The following TRPM3 variants were observed in gnomAD, a reference collection of about 807,000 sequenced individuals.
TRPM3 encodes the protein long transient receptor potential channel 3.
Under a neutral mutation model 181.2 loss-of-function variants are expected in TRPM3, and 77 were observed. That is an observed-to-expected ratio of 0.42 (90% CI 0.35 to 0.51). The LOEUF is 0.51. Ranked by LOEUF, TRPM3 falls within the 20% of genes least tolerant of loss-of-function variation. The pLI is 0.01. For missense variants in TRPM3, 1,759 were observed against 2,196.7 expected, an observed-to-expected ratio of 0.80 and a Z score of 3.98; for synonymous variants, 745 against 796.4, an observed-to-expected ratio of 0.94 and a Z score of 1.09.
chr9:70,811,031 T>G, intron 6 of TRPM3: 1 of 687,482 alleles, frequency 1.5e-6, no homozygotes, highest in Non-Finnish European at 2.5e-6. Context: ...CTGATGTGGT[T>G]GAATGTCAGA....
At chr9:71,376,341 C>T (rs2092665813) in intron 1 of TRPM3, among the ~76,000 whole-genome samples, 2 of 151,902 alleles carry the variant, frequency 1.3e-5, no homozygotes, top group African/African-American at 4.8e-5. Flanking sequence ...TTTGAAGAAA[C>T]AATTTTCCCT....
chr9:71,276,006 T>TC (rs1355668145), intron 1 of TRPM3, among the ~76,000 whole-genome samples: 1 of 152,096 alleles, frequency 6.6e-6, no homozygotes, highest in African/African-American at 2.4e-5. Context: ...CACACCCGGC[T>TC]AATTTTTTCT....
At chr9:71,331,695 A>G (rs2090132080) in intron 1 of TRPM3, among the ~76,000 whole-genome samples, 1 of 139,038 alleles carries the variant, frequency 7.2e-6, no homozygotes, top group African/African-American at 2.7e-5. Flanking sequence ...GAGGAGAAGG[A>G]GAAAAAGGAG....
In TRPM3 at chr9:70,875,927, G is replaced by A. The variant is rs2095861405; in HGVS notation, c.178-11416C>T. 1.3e-5 allele frequency among the ~76,000 whole-genome samples: 2 copies of A among 151,910 alleles called. 1 individual carries two copies. The highest frequency in any genetic ancestry group is 4.8e-5 in the African/African-American group (2 of 41,484). On this transcript the variant is annotated intron_variant, in intron 1 of 25. Coordinates refer to ENST00000677713, the MANE Select transcript of TRPM3 (RefSeq NM_001366145.2). ...TTAACGCAGCATAAATATATTTCTGGCTGATAGGCATTTTTCTGTCAAATT... is the reference window on the plus strand; with the variant it reads ...TTAACGCAGCATAAATATATTTCTGACTGATAGGCATTTTTCTGTCAAATT...
chr9:70,959,298 A>G (rs536486145), intron 1 of TRPM3, among the ~76,000 whole-genome samples: 12 of 152,196 alleles, frequency 7.9e-5, no homozygotes, highest in Admixed American at 2.0e-4. Flanking sequence ...ACAATTTAAT[A>G]CAATAATACA....
intron 1 of TRPM3, among the ~76,000 whole-genome samples, chr9:70,938,122 G>T (rs1190508213): frequency 1.3e-5 from 2 of 152,166 alleles, no homozygotes; most frequent in Non-Finnish European, 2.9e-5. Context: ...GCAAGGGAGT[G>T]CTAGGTCCTT....
At chr9:71,037,763 G>C (rs2058378877) in intron 1 of TRPM3, among the ~76,000 whole-genome samples, 1 of 152,226 alleles carries the variant, frequency 6.6e-6, no homozygotes, top group Non-Finnish European at 1.5e-5. Context: ...TAATATGCAA[G>C]AGCCTATGAG....
At chr9:71,193,748 C>A (rs369072175) in intron 1 of TRPM3, among the ~76,000 whole-genome samples, 1 of 151,826 alleles carries the variant, frequency 6.6e-6, no homozygotes, top group Non-Finnish European at 1.5e-5. Flanking sequence ...TACCATCCAC[C>A]GGATTCCAAG....
At position 70,784,196 on chromosome 9, in the gene TRPM3, C is replaced by A; in HGVS notation, c.1057G>T (p.Asp353Tyr). The A allele has an allele frequency of 6.2e-7, 1 of 1,613,740 alleles. No homozygotes were observed. Among genetic ancestry groups the A allele is most frequent in the Non-Finnish European group, 8.5e-7 (1 of 1,179,822 alleles). Residue 353 changes from aspartate (D) to tyrosine (Y), a missense_variant, in exon 7 of 26, where the codon GAC (aspartate) becomes TAC (tyrosine). By Grantham distance (160) the Asp-to-Tyr change is radical (BLOSUM62 -3). Transcript: ENST00000677713. ...VISIVLEYLR[D>Y]TPPVPVVVCD... ...ACAACCACTGGCACGGGAGGGGTGT[C>A]TCGAAGGTACTCCAAAACAATCGAG...
chr9:71,282,357 GAA>G lies in TRPM3; in HGVS notation c.183+164294_183+164295del, dbSNP rs1168590631. Reference sequence around the variant, plus strand: ...GAGAGAAAGAAAGAAAAGAAAGAAAGAAAAAGAAAGAATGAAAGAAAGAAAGA... The same window carrying G: ...GAGAGAAAGAAAGAAAAGAAAGAAAGAAAGAAAGAATGAAAGAAAGAAAGA... On this transcript the variant is annotated intron_variant, in intron 1 of 24. Coordinates refer to the TRPM3 transcript ENST00000357533. 3.3e-4 allele frequency among the ~76,000 whole-genome samples: 29 copies of G among 89,182 alleles called. 2 individuals carry two copies. Among genetic ancestry groups the G allele is most frequent in the African/African-American group, 1.6e-3 (28 of 17,278 alleles). The allele number at this position is 89,182 out of a possible 152,430, so 58.5% of individuals were successfully genotyped here. A position where few individuals can be genotyped will look rare whatever the true frequency, so the allele number is the denominator to read the frequency against.
chr9:71,439,847 G>T (rs1327458825), intron 1 of TRPM3, among the ~76,000 whole-genome samples: 1 of 152,132 alleles, frequency 6.6e-6, no homozygotes, highest in African/African-American at 2.4e-5. Context: ...TAGGCTGGGC[G>T]CAGTGGCTCA....
At chr9:71,292,835 A>G (rs2085929722) in intron 1 of TRPM3, among the ~76,000 whole-genome samples, 1 of 151,924 alleles carries the variant, frequency 6.6e-6, no homozygotes, top group Non-Finnish European at 1.5e-5. Context: ...AGACACCAGA[A>G]ATGAAAAATA....
chr9:71,439,952 G>A lies in TRPM3; in HGVS notation c.183+6701C>T, dbSNP rs919220506. ...CTGGCTAACACGGTGAAACCCTGTC[G>A]CTACTAAAAATATTAAAAAAATTAG... On this transcript the variant is annotated intron_variant, in intron 1 of 24. Coordinates refer to the TRPM3 transcript ENST00000357533. Among the ~76,000 whole-genome samples the A allele has an allele frequency of 8.6e-5, 13 of 151,800 alleles. No individual in the cohort carries two copies. In the East Asian group the frequency reaches 1.6e-3, roughly 18 times the overall value.
intron 1 of TRPM3, among the ~76,000 whole-genome samples, chr9:71,433,024 G>C (rs1166370111): frequency 1.3e-5 from 2 of 152,124 alleles, no homozygotes; most frequent in Non-Finnish European, 2.9e-5. Context: ...GAAAGATAAA[G>C]GGAAAAGCGT....
intron 19 of TRPM3, among the ~76,000 whole-genome samples, chr9:70,609,662 G>T (rs914323147): frequency 2.0e-5 from 3 of 152,230 alleles, no homozygotes; most frequent in African/African-American, 7.2e-5. Context: ...CAATAGCACT[G>T]AAGTAGAGAA....
intron 22 of TRPM3, among the ~76,000 whole-genome samples, chr9:70,560,218 C>T (rs1311549551): frequency 6.6e-6 from 1 of 152,186 alleles, no homozygotes; most frequent in African/African-American, 2.4e-5. Flanking sequence ...AAAGACCACA[C>T]AGCTAATAAG....
rs953982443 is a variant in TRPM3 at position 70,532,732 on chromosome 9, G to A, written c.*3221C>T. The A allele has an allele frequency of 2.0e-5, 3 of 152,132 alleles. No individual in the cohort carries two copies. The highest frequency in any genetic ancestry group is 2.9e-5 in the Non-Finnish European group (2 of 68,026). 9.4% of individuals were successfully genotyped at this position (152,132 alleles called of 1,614,324 possible). A position where few individuals can be genotyped will look rare whatever the true frequency, so the allele number is the denominator to read the frequency against. ...CACCTTTGAAGCAGATGATTAAACCGAAGCTATTACTTCCTTGAGCTCTCT... is the reference window on the plus strand; with the variant it reads ...CACCTTTGAAGCAGATGATTAAACCAAAGCTATTACTTCCTTGAGCTCTCT... On this transcript the variant is annotated 3_prime_UTR_variant, in exon 26 of 26. Transcript: ENST00000677713.
intron 1 of TRPM3, among the ~76,000 whole-genome samples, chr9:71,116,055 T>C (rs919930637): frequency 3.5e-4 from 53 of 152,342 alleles, no homozygotes; most frequent in Admixed American, 1.0e-3. Context: ...GTTTCTTTTA[T>C]TTGTAGCCAT....
At chr9:71,325,127 T>TA (rs895281310) in intron 1 of TRPM3, among the ~76,000 whole-genome samples, 24 of 152,172 alleles carry the variant, frequency 1.6e-4, no homozygotes, top group African/African-American at 5.5e-4. Context: ...TATATATATG[T>TA]AAAAAAATTT....
Sources: gnomAD v4.1 joint callset for allele counts (sites outside exome capture counted in the v4.1 genomes callset) on GRCh38, gnomAD v4.1.1 for gene constraint, MANE v1.5 for transcripts, NCBI Gene and HGNC (gene_info 2026-07-23, HGNC 2026-07-21) for gene names.